TAOK3: variants seen among roughly 807,000 people sequenced by gnomAD.
TAOK3 encodes the protein serine/threonine-protein kinase TAO3.
In TAOK3, 40 loss-of-function variants were observed where a neutral mutation model predicts 120.4. The ratio of observed to expected loss-of-function variants is 0.33; its 90% CI spans 0.26 to 0.43. The LOEUF (loss-of-function observed/expected upper bound fraction) is 0.43. Among genes scored for constraint, TAOK3 ranks in the 20% least tolerant of loss-of-function variants. TAOK3 has a pLI of 1.00. For synonymous variants in TAOK3, 355 were observed against 387.5 expected, an observed-to-expected ratio of 0.92 and a Z score of 0.99; for missense variants, 821 against 1,112.1, an observed-to-expected ratio of 0.74 and a Z score of 3.72.
rs765508457 is a variant in TAOK3 at position 118,181,600 on chromosome 12, C to T, written c.1337G>A (p.Arg446Gln). Residue 446 changes from arginine (R) to glutamine (Q), a missense_variant, in exon 15 of 21, where the codon CGA becomes CAA. Arg to Gln is a conservative substitution (Grantham distance 43). Around this residue, in one of 2 missense-constraint regions of TAOK3, gnomAD observed 354 missense variants for 572.1 expected, o/e 0.62. Transcript: ENST00000392533. ...CTCCTGCTCATGCTCATGGATCTGT[C>T]GTGTAACCTGAATTGGGTTAGGAAA... ...ATIKSASLVT[R>Q]QIHEHEQENE... The T allele has an allele frequency of 5.0e-6, 8 of 1,613,840 alleles. No individual in the cohort carries two copies. In the African/African-American group the frequency reaches 6.7e-5, roughly 13 times the overall value.
intron 16 of TAOK3, among the ~76,000 whole-genome samples, chr12:118,173,019 T>C (rs1480004665): frequency 6.6e-6 from 1 of 152,042 alleles, no homozygotes; most frequent in East Asian, 1.9e-4. Context: ...TATTATAGAA[T>C]CAAAAATTAA....
intron 10 of TAOK3, among the ~76,000 whole-genome samples, chr12:118,213,252 T>C (rs2038719363): frequency 6.6e-6 from 1 of 152,114 alleles, no homozygotes; most frequent in South Asian, 2.1e-4. Flanking sequence ...ATAATATACA[T>C]CAGAAAACAA....
At chr12:118,167,961 C>T (rs1728596103) in intron 17 of TAOK3, among the ~76,000 whole-genome samples, 1 of 152,154 alleles carries the variant, frequency 6.6e-6, no homozygotes, top group South Asian at 2.1e-4. Context: ...ACCTCATATC[C>T]TTCCAATAAA....
At chr12:118,301,880 CA>C (rs1163853335) in intron 1 of TAOK3, among the ~76,000 whole-genome samples, 27 of 149,132 alleles carry the variant, frequency 1.8e-4, no homozygotes, top group African/African-American at 6.4e-4. Context: ...CCTCAAAGCA[CA>C]ATAAGGGTTA....
At chr12:118,280,638 C>CTA (rs1156479829) in intron 1 of TAOK3, among the ~76,000 whole-genome samples, 1 of 152,170 alleles carries the variant, frequency 6.6e-6, no homozygotes, top group African/African-American at 2.4e-5. Flanking sequence ...TGTGATGCTT[C>CTA]TAGTTTTGTT....
intron 2 of TAOK3, chr12:118,261,762 T>A (rs556380399): frequency 6.6e-6 from 1 of 152,340 alleles, no homozygotes; most frequent in Non-Finnish European, 1.5e-5. Context: ...TCAAACAACA[T>A]AATCATTGTC....
intron 1 of TAOK3, among the ~76,000 whole-genome samples, chr12:118,321,218 T>C (rs755724076): frequency 1.4e-4 from 21 of 152,082 alleles, no homozygotes; most frequent in Non-Finnish European, 2.8e-4. Context: ...CACTGTTGTT[T>C]AACATGTATA....
At chr12:118,315,639 T>C (rs149613386) in intron 1 of TAOK3, among the ~76,000 whole-genome samples, 2 of 152,304 alleles carry the variant, frequency 1.3e-5, no homozygotes, top group African/African-American at 4.8e-5. Flanking sequence ...GATAGGATCA[T>C]GGATATTGGT....
intron 1 of TAOK3, among the ~76,000 whole-genome samples, chr12:118,291,186 T>C (rs922207176): frequency 6.9e-6 from 1 of 145,520 alleles, no homozygotes; most frequent in Non-Finnish European, 1.5e-5. Context: ...GATGGAGTTT[T>C]GCTCTTGTCT....
At chr12:118,368,980 G>A (rs1322493493) in intron 1 of TAOK3, among the ~76,000 whole-genome samples, 4 of 132,156 alleles carry the variant, frequency 3.0e-5, no homozygotes, top group African/African-American at 8.4e-5. Flanking sequence ...GCAATGTTGT[G>A]AAATCCCATC....
intron 1 of TAOK3, among the ~76,000 whole-genome samples, chr12:118,355,334 G>A (rs1217307111): frequency 6.6e-6 from 1 of 152,184 alleles, no homozygotes; most frequent in Non-Finnish European, 1.5e-5. Flanking sequence ...ACACTCTGCT[G>A]AGAAAATAAC....
intron 1 of TAOK3, among the ~76,000 whole-genome samples, chr12:118,334,005 C>A (rs1352324204): frequency 6.6e-6 from 1 of 151,532 alleles, no homozygotes; most frequent in African/African-American, 2.4e-5. Flanking sequence ...CGTGGTGGTG[C>A]ATGCCTGTAA....
intron 3 of TAOK3, among the ~76,000 whole-genome samples, chr12:118,247,677 G>C (rs1456749915): frequency 6.6e-6 from 1 of 152,020 alleles, no homozygotes; most frequent in Non-Finnish European, 1.5e-5. Flanking sequence ...ACCACGCCTG[G>C]CTAATTTTTA....
In TAOK3 at chr12:118,161,188, C is replaced by T. The variant is rs746138124; in HGVS notation, c.2139+600G>A. ...CTCATATCTGTGGCAACACTGACAA[C>T]GTCCTCCCGGATATATAGCAATGGC... On this transcript the variant is annotated intron_variant, in intron 18 of 20. Transcript: ENST00000392533. This position sits in a 1 kb window ranked among gnomAD's most constrained non-coding sequence, Gnocchi z 4.5. Among the ~76,000 whole-genome samples, 9 of 152,302 alleles carry T rather than the reference C, an allele frequency of 5.9e-5. No homozygotes were observed.
chr12:118,266,690 C>A lies in TAOK3; in HGVS notation c.-124G>T. 1 of 397,940 alleles carries A rather than the reference C, an allele frequency of 2.5e-6. No individual in the cohort carries two copies. The highest frequency in any genetic ancestry group is 1.3e-4 in the South Asian group (1 of 7,840). The allele number at this position is 397,940 out of a possible 1,614,324, so 24.7% of individuals were successfully genotyped here. A position where few individuals can be genotyped will look rare whatever the true frequency, so the allele number is the denominator to read the frequency against. On this transcript the variant is annotated 5_prime_UTR_variant, in exon 2 of 21. Coordinates refer to ENST00000392533, the MANE Select transcript of TAOK3 (RefSeq NM_016281.4). ...GTGGCACAAAATATTCCATATTGCT[C>A]AGATTCATTTTAGCAGCAAACTTCT...
intron 9 of TAOK3, among the ~76,000 whole-genome samples, chr12:118,214,354 GT>G (rs1377364921): frequency 1.3e-5 from 2 of 151,958 alleles, no homozygotes; most frequent in Admixed American, 6.6e-5. Flanking sequence ...TGAAAGAAAA[GT>G]TTTTTTCTTT....
intron 1 of TAOK3, among the ~76,000 whole-genome samples, chr12:118,361,914 A>AAATAATAATAAT (rs78087373): frequency 2.1e-5 from 3 of 143,686 alleles, no homozygotes; most frequent in African/African-American, 7.5e-5. Flanking sequence ...CTATTAATAA[A>AAATAATAATAAT]AATAATAATA....
chr12:118,257,497 C>T lies in TAOK3; in HGVS notation c.-88-1842G>A, dbSNP rs1321246704. 7.9e-5 allele frequency among the ~76,000 whole-genome samples: 12 copies of T among 151,270 alleles called. No homozygotes were observed. The South Asian group carries it at 8.4e-4, about 11-fold the overall frequency. The stretch of plus-strand genomic sequence containing the variant: ...ATCTATATTTTTCATTTTAAATAAC[C>T]GCTGCCCTCATACCCAGATAATCAT... On this transcript the variant is annotated intron_variant, in intron 2 of 20. Coordinates refer to ENST00000392533, the MANE Select transcript of TAOK3 (RefSeq NM_016281.4).
At chr12:118,247,648 G>C (rs543674921) in intron 3 of TAOK3, among the ~76,000 whole-genome samples, 9 of 151,898 alleles carry the variant, frequency 5.9e-5, no homozygotes, top group Non-Finnish European at 1.2e-4. Context: ...TTGAGTAGCT[G>C]GGATTACAGG....
Sources: allele counts gnomAD v4.1 joint callset (sites outside exome capture counted in the v4.1 genomes callset), GRCh38; gene constraint gnomAD v4.1.1; regional missense constraint gnomAD v4.1.1; non-coding constraint Gnocchi (gnomAD v3.1); transcripts MANE v1.5; gene names NCBI Gene and HGNC (gene_info 2026-07-23, HGNC 2026-07-21).